PHACTR2: variants seen among roughly 807,000 people sequenced by gnomAD.
PHACTR2 encodes the protein phosphatase and actin regulator 2, also known as chromosome 6 open reading frame 56.
A neutral mutation model predicts 76.0 loss-of-function variants in PHACTR2; 30 were observed. That is an observed-to-expected ratio of 0.39 (90% CI 0.30 to 0.54). PHACTR2 has a LOEUF of 0.54. Ranked by LOEUF, PHACTR2 falls within the 20% of genes least tolerant of loss-of-function variation. The pLI is 0.61. For synonymous variants in PHACTR2, 292 were observed against 292.5 expected (o/e 1.00, Z 0.02); for missense variants, 696 against 781.1 (o/e 0.89, Z 1.30).
chr6:143,818,090 C>A lies in PHACTR2; in HGVS notation c.1923-5584C>A. Among the ~76,000 whole-genome samples the A allele has an allele frequency of 6.6e-6, 1 of 151,858 alleles. No individual in the cohort carries two copies. The highest frequency in any genetic ancestry group is 1.5e-5 in the Non-Finnish European group (1 of 67,948). On this transcript the variant is annotated intron_variant, in intron 12 of 12. Coordinates refer to ENST00000440869, the MANE Select transcript of PHACTR2 (RefSeq NM_001100164.2). The surrounding 1 kb of genome is among the most constrained non-coding windows in gnomAD (Gnocchi z 4.9). ...TATGCCATCAAAATATCACTCTGTA[C>A]CCCATAAATATGAACAATTATGTGT... is the stretch of plus-strand genomic sequence containing the variant.
intron 1 of PHACTR2, among the ~76,000 whole-genome samples, chr6:143,622,597 C>G (rs1776174768): frequency 6.6e-6 from 1 of 152,130 alleles, no homozygotes; most frequent in South Asian, 2.1e-4. Context: ...CATCTCATTA[C>G]ATAGATTTTA....
At chr6:143,781,076 C>T (rs1490024316) in intron 9 of PHACTR2, among the ~76,000 whole-genome samples, 1 of 152,148 alleles carries the variant, frequency 6.6e-6, no homozygotes, top group Non-Finnish European at 1.5e-5. Flanking sequence ...TCCTGGAGAT[C>T]AAGACAAGCT....
At position 143,708,784 on chromosome 6, in the gene PHACTR2, A is replaced by AG. The variant is rs1340570232; in HGVS notation, c.47-3232_47-3231insG. 6.6e-6 allele frequency among the ~76,000 whole-genome samples: 1 copy of AG among 152,204 alleles called. No individual in the cohort carries two copies. Among genetic ancestry groups the AG allele is most frequent in the African/African-American group, 2.4e-5 (1 of 41,452 alleles). Reference sequence around the variant, plus strand: ...CAACATATGGTTTCTAATTGCAAATATGGTCTATGATAGGGGAAAAATAGG... The same window carrying AG: ...CAACATATGGTTTCTAATTGCAAATAGTGGTCTATGATAGGGGAAAAATAGG... On this transcript the variant is annotated intron_variant, in intron 1 of 12. Coordinates refer to ENST00000440869, the MANE Select transcript of PHACTR2 (RefSeq NM_001100164.2). The surrounding 1 kb of genome is among the most constrained non-coding windows in gnomAD (Gnocchi z 5.5).
chr6:143,729,113 A>C (rs567090590), intron 2 of PHACTR2, among the ~76,000 whole-genome samples: 7 of 152,210 alleles, frequency 4.6e-5, no homozygotes, highest in African/African-American at 9.6e-5. Flanking sequence ...ACTTCTTTTC[A>C]TGTACGCATC....
In PHACTR2 at chr6:143,791,110, GT is replaced by G. The variant is rs1775678387; in HGVS notation, c.1845+2203del. On this transcript the variant is annotated intron_variant, in intron 11 of 12. Coordinates refer to ENST00000440869, the MANE Select transcript of PHACTR2 (RefSeq NM_001100164.2). This position sits in a 1 kb window ranked among gnomAD's most constrained non-coding sequence, Gnocchi z 4.7. ...ATTCTCATATACTGTCTTCTAAATT[GT>G]TTATAATTTTGCTTTTCACATTTAA... Among the ~76,000 whole-genome samples the G allele has an allele frequency of 6.6e-6, 1 of 152,062 alleles. No homozygotes were observed. Among genetic ancestry groups the G allele is most frequent in the African/African-American group, 2.4e-5 (1 of 41,412 alleles).
intron 2 of PHACTR2, among the ~76,000 whole-genome samples, chr6:143,719,136 G>T (rs950795371): frequency 6.6e-6 from 1 of 150,770 alleles, no homozygotes; most frequent in African/African-American, 2.4e-5. Context: ...ACCTGCCTCG[G>T]CCTCCTAAAG....
At chr6:143,651,521 T>G (rs1345126097) in intron 1 of PHACTR2, among the ~76,000 whole-genome samples, 1 of 152,068 alleles carries the variant, frequency 6.6e-6, no homozygotes. Context: ...TAAAAAGGAA[T>G]GAGATAAAGT....
Position 143,647,236 on chromosome 6 carries a change from A to G in PHACTR2, c.13+38914A>G, listed in dbSNP as rs1036617487. 1.6e-4 allele frequency among the ~76,000 whole-genome samples: 25 copies of G among 152,212 alleles called. No homozygotes were observed. Among genetic ancestry groups the G allele is most frequent in the African/African-American group, 5.5e-4 (23 of 41,460 alleles). On this transcript the variant is annotated intron_variant, in intron 1 of 11. Coordinates refer to the PHACTR2 transcript ENST00000305766. The surrounding 1 kb of genome is among the most constrained non-coding windows in gnomAD (Gnocchi z 4.2). ...CATCCCTTTCTGTGATGTAGATAAT[A>G]TTAGTCCTATTTTGCAGATGAGGAA...
In PHACTR2 at chr6:143,777,431, G is replaced by A. The variant is rs1286357217; in HGVS notation, c.1645+48G>A. ...TGATTCCTTGTGTAATCGCTAACAA[G>A]CTGCCTCTACAGATGATCGATTTAT... On this transcript the variant is annotated intron_variant, in intron 9 of 12. Transcript: ENST00000440869. This position sits in a 1 kb window ranked among gnomAD's most constrained non-coding sequence, Gnocchi z 4.6. The A allele has an allele frequency of 1.1e-5, 11 of 996,966 alleles. 1 individual carries two copies. The highest frequency in any genetic ancestry group is 4.2e-4 in the Middle Eastern group (2 of 4,798). 61.8% of individuals were successfully genotyped at this position (996,966 alleles called of 1,614,324 possible).
At chr6:143,766,691 G>A (rs1582857836) in intron 6 of PHACTR2, among the ~76,000 whole-genome samples, 1 of 152,306 alleles carries the variant, frequency 6.6e-6, no homozygotes, top group African/African-American at 2.4e-5. Context: ...TGGGTTAGTT[G>A]CTTTACCACC....
chr6:143,763,843 G>T (rs746054341), intron 5 of PHACTR2, among the ~76,000 whole-genome samples: 16 of 152,134 alleles, frequency 1.1e-4, no homozygotes, highest in Non-Finnish European at 1.5e-4. Flanking sequence ...GTGTGGATTG[G>T]CTTCACAATG....
chr6:143,779,550 A>G (rs138700235), intron 9 of PHACTR2, among the ~76,000 whole-genome samples: 1,879 of 152,102 alleles, frequency 0.012, 45 homozygotes, highest in African/African-American at 0.043. Context: ...GAGTTTTGCT[A>G]TGTTGGCCAG....
At chr6:143,552,888 GAAAAAAAAA>G (rs35606517) in intron 1 of PHACTR2, among the ~76,000 whole-genome samples, 1 of 116,650 alleles carries the variant, frequency 8.6e-6, no homozygotes, top group Non-Finnish European at 1.7e-5. Flanking sequence ...ATCTCAAAAA[GAAAAAAAAA>G]AAAAAAAAAA....
chr6:143,772,208 A>G lies in PHACTR2; in HGVS notation c.1233-50A>G, dbSNP rs41285025. 8.3e-3 allele frequency: 11,178 copies of G among 1,348,008 alleles called. 100 individuals carry two copies. The highest frequency in any genetic ancestry group is 8.8e-3 in the Non-Finnish European group (8,227 of 938,488). The allele number at this position is 1,348,008 out of a possible 1,614,324, so 83.5% of individuals were successfully genotyped here. On this transcript the variant is annotated intron_variant, in intron 6 of 12. Transcript: ENST00000440869. The surrounding 1 kb of genome is among the most constrained non-coding windows in gnomAD (Gnocchi z 5.4). ...CTTTTTCTTAGTGTCAGTGCCGCCAAGGGTTGCTCTGAGCTTCACATCACT... is the reference window on the plus strand; with the variant it reads ...CTTTTTCTTAGTGTCAGTGCCGCCAGGGGTTGCTCTGAGCTTCACATCACT...
Position 143,788,844 on chromosome 6 carries a change from C to G in PHACTR2, c.1779C>G (p.Val593=). ...TGCGATTTAACGAGTATGTAGAAGT[C>G]ACGGATTCTCCTGACTATGACCGCC... ...RILRFNEYVE[V]TDSPDYDRRA... Residue 593 remains valine (V), a synonymous_variant, in exon 11 of 13, where the codon GTC becomes GTG. Coordinates refer to ENST00000440869, the MANE Select transcript of PHACTR2 (RefSeq NM_001100164.2). 6.2e-7 allele frequency: 1 copy of G among 1,613,798 alleles called. No individual in the cohort carries two copies. The highest frequency in any genetic ancestry group is 8.5e-7 in the Non-Finnish European group (1 of 1,179,716).
At position 143,610,058 on chromosome 6, in the gene PHACTR2, T is replaced by G. The variant is rs747922079; in HGVS notation, c.13+1736T>G. 6.6e-6 allele frequency among the ~76,000 whole-genome samples: 1 copy of G among 152,168 alleles called. No individual in the cohort carries two copies. The highest frequency in any genetic ancestry group is 1.5e-5 in the Non-Finnish European group (1 of 68,020). On this transcript the variant is annotated intron_variant, in intron 1 of 11. Transcript: ENST00000305766. This position sits in a 1 kb window ranked among gnomAD's most constrained non-coding sequence, Gnocchi z 4.9. ...TCTCAAATATAGCCATACATACCTT[T>G]GAATAGAATAACGGGTTTTAAATCA... is the stretch of plus-strand genomic sequence containing the variant.
Position 143,774,420 on chromosome 6 carries a change from C to T in PHACTR2, c.1589+205C>T, listed in dbSNP as rs1646117227. Among the ~76,000 whole-genome samples the T allele has an allele frequency of 6.6e-6, 1 of 152,166 alleles. No homozygotes were observed. The highest frequency in any genetic ancestry group is 6.5e-5 in the Admixed American group (1 of 15,274). On this transcript the variant is annotated intron_variant, in intron 8 of 12. Transcript: ENST00000440869. This position sits in a 1 kb window ranked among gnomAD's most constrained non-coding sequence, Gnocchi z 5.4. ...GCCAGTGGCTTTGAGGTCACCAAAG[C>T]CTATTCCAGGAGTCAAAAACTTTTT...
At position 143,537,404 on chromosome 6, in the gene PHACTR2, G is replaced by A. The variant is rs901163497; in HGVS notation, c.217+197G>A. 1.3e-5 allele frequency among the ~76,000 whole-genome samples: 2 copies of A among 152,162 alleles called. No individual in the cohort carries two copies. The highest frequency in any genetic ancestry group is 2.4e-5 in the African/African-American group (1 of 41,476). On this transcript the variant is annotated intron_variant, in intron 1 of 11. Transcript: ENST00000367584. The surrounding 1 kb of genome is among the most constrained non-coding windows in gnomAD (Gnocchi z 4.4). ...CGGCCGCCCGGGCTCGGCGACCCTA[G>A]GCGGAAGATGCTAAAAGCAGGCGAC...
At position 143,782,221 on chromosome 6, in the gene PHACTR2, G is replaced by C. The variant is rs529633889; in HGVS notation, c.1646-998G>C. ...AGCCTGGGTGACAGAGCGAGAATCCGTTTCAAAAAATAAAATAAAAATAAA... is the reference window on the plus strand; with the variant it reads ...AGCCTGGGTGACAGAGCGAGAATCCCTTTCAAAAAATAAAATAAAAATAAA... On this transcript the variant is annotated intron_variant, in intron 9 of 12. Transcript: ENST00000440869. This position sits in a 1 kb window ranked among gnomAD's most constrained non-coding sequence, Gnocchi z 4.6. 6.6e-6 allele frequency among the ~76,000 whole-genome samples: 1 copy of C among 152,124 alleles called. No individual in the cohort carries two copies. The highest frequency in any genetic ancestry group is 2.1e-4 in the South Asian group (1 of 4,830).
Sources: gnomAD v4.1 joint callset for allele counts (sites outside exome capture counted in the v4.1 genomes callset) on GRCh38, gnomAD v4.1.1 for gene constraint, Gnocchi (gnomAD v3.1) non-coding constraint, MANE v1.5 for transcripts, NCBI Gene and HGNC (gene_info 2026-07-23, HGNC 2026-07-21) for gene names.